Variants in PTPRD observed in about 807,000 individuals in gnomAD.
PTPRD encodes the protein receptor-type tyrosine-protein phosphatase delta.
Under a neutral mutation model 214.5 loss-of-function variants are expected in PTPRD, and 34 were observed. The ratio of observed to expected loss-of-function variants is 0.16; its 90% CI spans 0.12 to 0.21. The LOEUF is 0.21. Ranked by LOEUF, PTPRD falls within the 10% of genes least tolerant of loss-of-function variation. The pLI is 1.00. For synonymous variants in PTPRD, 1,128 were observed against 845.7 expected, an observed-to-expected ratio of 1.33 and a Z score of -5.79; for missense variants, 2,545 against 2,398.7, an observed-to-expected ratio of 1.06 and a Z score of -1.27.
chr9:8,364,287 G>T (rs1282829863), intron 39 of PTPRD, among the ~76,000 whole-genome samples: 1 of 152,184 alleles, frequency 6.6e-6, no homozygotes, highest in Non-Finnish European at 1.5e-5. Context: ...TCTTATATAA[G>T]CGTGTTACAC....
chr9:9,547,823 C>CACACACA (rs2079159869), intron 8 of PTPRD, among the ~76,000 whole-genome samples: 1 of 151,382 alleles, frequency 6.6e-6, no homozygotes, highest in South Asian at 2.1e-4. Context: ...CACACACACA[C>CACACACA]ATCAGGAAAA....
At chr9:10,415,138 C>T (rs6474545) in intron 2 of PTPRD, among the ~76,000 whole-genome samples, 128,626 of 151,694 alleles carry the variant, frequency 0.85, 54,907 homozygotes, top group African/African-American at 0.91. Flanking sequence ...CCTAAATACA[C>T]CAAATAATTT....
intron 7 of PTPRD, among the ~76,000 whole-genome samples, chr9:9,720,614 A>C (rs1479375085): frequency 6.6e-6 from 1 of 152,182 alleles, no homozygotes; most frequent in East Asian, 1.9e-4. Context: ...GCAGGTGACT[A>C]CTACTGAGAA....
chr9:8,968,793 G>A (rs1202078764), intron 11 of PTPRD, among the ~76,000 whole-genome samples: 1 of 152,002 alleles, frequency 6.6e-6, no homozygotes, highest in Non-Finnish European at 1.5e-5. Context: ...GTGTGACATA[G>A]ATATGAGAAA....
In PTPRD at chr9:8,397,917, T is replaced by C. The variant is rs1465636289; in HGVS notation, c.4210+6620A>G. Among the ~76,000 whole-genome samples the C allele has an allele frequency of 3.3e-5, 5 of 152,150 alleles. No homozygotes were observed. The East Asian group carries it at 7.7e-4, about 23-fold the overall frequency. On this transcript the variant is annotated intron_variant, in intron 36 of 45. Coordinates refer to ENST00000381196, the MANE Select transcript of PTPRD (RefSeq NM_002839.4). ...CCTGTTTTGCAAATCAAACAGCAGA[T>C]GATATATATTTGAATTTCCATTTAA...
intron 11 of PTPRD, chr9:8,861,274 G>C (rs1485626620): frequency 6.6e-6 from 1 of 152,106 alleles, no homozygotes; most frequent in African/African-American, 2.4e-5. Context: ...TATGTACTAA[G>C]CATCGTGCTA....
intron 11 of PTPRD, among the ~76,000 whole-genome samples, chr9:8,816,826 G>A (rs1346196413): frequency 1.3e-5 from 2 of 152,178 alleles, no homozygotes. Context: ...ATTTTACCTA[G>A]CAGTACAAGC....
chr9:10,275,295 A>G (rs1245227670), intron 3 of PTPRD, among the ~76,000 whole-genome samples: 2 of 152,144 alleles, frequency 1.3e-5, no homozygotes, highest in African/African-American at 4.8e-5. Flanking sequence ...ATTTATAAAA[A>G]GATACCATAT....
At position 10,060,897 on chromosome 9, in the gene PTPRD, CTTCTTTCTTTCTTTCT is replaced by C. The variant is rs369686972; in HGVS notation, c.-544-27123_-544-27108del. 9.2e-3 allele frequency among the ~76,000 whole-genome samples: 651 copies of C among 70,524 alleles called. 19 individuals are homozygous for C. The highest frequency in any genetic ancestry group is 0.016 in the African/African-American group (77 of 4,862). 46.3% of individuals were successfully genotyped at this position (70,524 alleles called of 152,430 possible). ...CCTTCCTTCCTTCCTTCCTTCCTTCCTTCTTTCTTTCTTTCTTTCTTTCTTTCTTTCTTTCTTTCTT... is the reference window on the plus strand; with the variant it reads ...CCTTCCTTCCTTCCTTCCTTCCTTCCTTCTTTCTTTCTTTCTTTCTTTCTT... On this transcript the variant is annotated intron_variant, in intron 3 of 45. Transcript: ENST00000381196.
chr9:8,885,280 C>T (rs2098477442), intron 11 of PTPRD, among the ~76,000 whole-genome samples: 1 of 151,892 alleles, frequency 6.6e-6, no homozygotes, highest in Non-Finnish European at 1.5e-5. Flanking sequence ...TTAGGGTGAC[C>T]AATCATCCAT....
chr9:10,500,038 C>G (rs2043192449), intron 2 of PTPRD, among the ~76,000 whole-genome samples: 1 of 146,486 alleles, frequency 6.8e-6, no homozygotes, highest in Admixed American at 7.1e-5. Flanking sequence ...AGACCATGAC[C>G]TTTTTCCAAT....
intron 34 of PTPRD, among the ~76,000 whole-genome samples, chr9:8,441,435 C>T (rs572330660): frequency 1.3e-5 from 2 of 152,130 alleles, no homozygotes; most frequent in East Asian, 1.9e-4. Flanking sequence ...TCCAGAGTAT[C>T]GTGTGGCATT....
intron 35 of PTPRD, among the ~76,000 whole-genome samples, chr9:8,411,730 G>C (rs1203317756): frequency 6.6e-6 from 1 of 152,140 alleles, no homozygotes. Flanking sequence ...TAATCCTAAT[G>C]TTTTCATTTT....
At chr9:8,725,884 A>T (rs190116643) in intron 12 of PTPRD, among the ~76,000 whole-genome samples, 1 of 152,130 alleles carries the variant, frequency 6.6e-6, no homozygotes, top group Non-Finnish European at 1.5e-5. Flanking sequence ...AAAGTCTGAG[A>T]AGATTGCTTG....
At chr9:9,928,435 G>C (rs1193580380) in intron 5 of PTPRD, among the ~76,000 whole-genome samples, 3 of 152,046 alleles carry the variant, frequency 2.0e-5, no homozygotes, top group African/African-American at 7.2e-5. Flanking sequence ...AAAAACTATT[G>C]AACAATGCTG....
chr9:9,106,893 A>T (rs1297518997), intron 10 of PTPRD, among the ~76,000 whole-genome samples: 2 of 152,090 alleles, frequency 1.3e-5, no homozygotes, highest in African/African-American at 4.8e-5. Flanking sequence ...TAATGTCTGT[A>T]TGTGTTTGTG....
chr9:9,335,855 C>A (rs1362009469), intron 9 of PTPRD, among the ~76,000 whole-genome samples: 2 of 152,020 alleles, frequency 1.3e-5, no homozygotes, highest in Admixed American at 1.3e-4. Flanking sequence ...ACAAAAAACA[C>A]AACTCAGCAT....
intron 2 of PTPRD, among the ~76,000 whole-genome samples, chr9:10,491,184 A>G (rs1157923316): frequency 6.6e-6 from 1 of 152,162 alleles, no homozygotes; most frequent in African/African-American, 2.4e-5. Flanking sequence ...AGTAATCACA[A>G]ATGAATGTTA....
chr9:9,141,832 AC>A (rs35803796), intron 10 of PTPRD, among the ~76,000 whole-genome samples: 32,701 of 151,774 alleles, frequency 0.22, 4,055 homozygotes, highest in Non-Finnish European at 0.27. Flanking sequence ...GGGAAAGTCA[AC>A]TATTTATTCT....
Sources: gnomAD v4.1 joint callset for allele counts (sites outside exome capture counted in the v4.1 genomes callset) on GRCh38, gnomAD v4.1.1 for gene constraint, MANE v1.5 for transcripts, NCBI Gene and HGNC (gene_info 2026-07-23, HGNC 2026-07-21) for gene names.